UBXN11: variants seen among roughly 807,000 people sequenced by gnomAD.
The protein encoded by UBXN11 is UBX domain-containing protein 11.
UBXN11 carries 47 observed loss-of-function variants against 62.8 expected under a neutral mutation model. The ratio of observed to expected loss-of-function variants is 0.75; its 90% CI spans 0.59 to 0.95. The LOEUF (loss-of-function observed/expected upper bound fraction) is 0.95. Among genes scored for constraint, UBXN11 ranks in the 40% least tolerant of loss-of-function variants. UBXN11 has a pLI of 0.00. For synonymous variants in UBXN11, 294 were observed against 267.0 expected (o/e 1.10, Z -0.99); for missense variants, 638 against 661.7 (o/e 0.96, Z 0.39).
At chr1:26,293,862 CCTT>C (rs1048495552) in intron 8 of UBXN11, among the ~76,000 whole-genome samples, 1 of 150,870 alleles carries the variant, frequency 6.6e-6, no homozygotes, top group Non-Finnish European at 1.5e-5. Flanking sequence ...AGAAGGATTG[CCTT>C]TTTTTAAAAC....
At chr1:26,294,793 G>A (rs1470579302) in intron 7 of UBXN11, among the ~76,000 whole-genome samples, 1 of 152,120 alleles carries the variant, frequency 6.6e-6, no homozygotes, top group Non-Finnish European at 1.5e-5. Flanking sequence ...TCCACACCCC[G>A]ACTTCTTTTC....
At chr1:26,317,641 G>A (rs1440642358) in intron 1 of UBXN11, among the ~76,000 whole-genome samples, 3 of 152,146 alleles carry the variant, frequency 2.0e-5, no homozygotes, top group Non-Finnish European at 4.4e-5. Flanking sequence ...GGGTCAGAGA[G>A]GTAGAGTTTC....
chr1:26,282,362 GCCGGGACCGGGACCGGGA>G lies in UBXN11; in HGVS notation c.1482_1499del (p.Gly496_Pro501del), dbSNP rs755065764. On this transcript the variant is annotated inframe_deletion, in exon 15 of 15. Coordinates refer to ENST00000374222, the MANE Select transcript of UBXN11 (RefSeq NM_001389556.1). ...GGCCGGGACCGGGACCGGGACTGGGGCCGGGACCGGGACCGGGACTGGGGCCGGGACCGGGACCGGGAC... is the reference window on the plus strand; with the variant it reads ...GGCCGGGACCGGGACCGGGACTGGGGCTGGGGCCGGGACCGGGACCGGGAC... 4 of 549,136 alleles carry G rather than the reference GCCGGGACCGGGACCGGGA, an allele frequency of 7.3e-6. No homozygotes were observed. The highest frequency in any genetic ancestry group is 4.9e-5 in the Admixed American group (1 of 20,618). 34.0% of individuals were successfully genotyped at this position (549,136 alleles called of 1,614,324 possible). A position where few individuals can be genotyped will look rare whatever the true frequency, so the allele number is the denominator to read the frequency against.
intron 8 of UBXN11, among the ~76,000 whole-genome samples, chr1:26,290,118 G>A (rs956451108): frequency 5.1e-4 from 77 of 152,346 alleles, no homozygotes; most frequent in Non-Finnish European, 6.9e-4. Flanking sequence ...ATCATGTGCA[G>A]ATGACTGTTC....
intron 1 of UBXN11, among the ~76,000 whole-genome samples, chr1:26,303,683 G>A (rs1172649977): frequency 1.4e-5 from 2 of 148,122 alleles, no homozygotes; most frequent in African/African-American, 5.0e-5. Flanking sequence ...AGGTTAAGAT[G>A]CCAGGTTTTG....
chr1:26,284,956 C>T (rs866926208), intron 10 of UBXN11: 8 of 1,000,696 alleles, frequency 8.0e-6, no homozygotes, highest in African/African-American at 1.7e-5. Flanking sequence ...TGCTCCCTCC[C>T]GGACACGCCC....
chr1:26,292,584 G>A (rs767650173), intron 8 of UBXN11, among the ~76,000 whole-genome samples: 6 of 149,990 alleles, frequency 4.0e-5, no homozygotes, highest in Admixed American at 1.3e-4. Context: ...GGCTGGGCGC[G>A]GTGGCTCACA....
intron 7 of UBXN11, among the ~76,000 whole-genome samples, chr1:26,296,209 C>T (rs4471263): frequency 0.69 from 105,231 of 152,158 alleles, 36,906 homozygotes; most frequent in Non-Finnish European, 0.75. Flanking sequence ...GGTCTGTGAG[C>T]GGGGGAAAGA....
intron 7 of UBXN11, among the ~76,000 whole-genome samples, chr1:26,294,949 T>C (rs537697657): frequency 6.6e-6 from 1 of 152,338 alleles, no homozygotes; most frequent in South Asian, 2.1e-4. Flanking sequence ...TCTCCTGGGC[T>C]GTTCCTTTCC....
chr1:26,286,145 T>G, intron 8 of UBXN11, 108 bp from the exon 9 acceptor site: 1 of 979,764 alleles, frequency 1.0e-6, no homozygotes, highest in Non-Finnish European at 1.5e-6. Flanking sequence ...TAATGTCTCC[T>G]TAACTGACTG....
intron 8 of UBXN11, among the ~76,000 whole-genome samples, chr1:26,288,383 A>G (rs1439717639): frequency 3.9e-5 from 6 of 152,198 alleles, no homozygotes; most frequent in Non-Finnish European, 4.4e-5. Flanking sequence ...AAGAAGTAAA[A>G]GCAGGTGGCC....
Position 26,302,832 on chromosome 1 carries a change from AGG to A in UBXN11, c.50_51del (p.Pro17LeufsTer17), listed in dbSNP as rs2073572321. 1 of 1,613,772 alleles carries A rather than the reference AGG, an allele frequency of 6.2e-7. No homozygotes were observed. Among genetic ancestry groups the A allele is most frequent in the Non-Finnish European group, 8.5e-7 (1 of 1,179,858 alleles). ...SLSKTRKVPLPSEPMNPGRRG... is the reference protein window; with the variant it reads ...SLSKTRKVPLXSEPMNPGRRG... ...CCTTACCCAGGATTCATAGGCTCCG[AGG>A]GCAGGGGCACTTTTCGGGTCTTGCT... On this transcript the variant is annotated frameshift_variant, in exon 2 of 15. Coordinates refer to ENST00000374222, the MANE Select transcript of UBXN11 (RefSeq NM_001389556.1). LOFTEE classifies it high-confidence loss of function.
At chr1:26,294,071 G>A in intron 8 of UBXN11, 134 bp downstream of exon 8, 1 of 1,384,342 alleles carries the variant, frequency 7.2e-7, no homozygotes, top group Non-Finnish European at 9.7e-7. Context: ...TCAGGGGCAA[G>A]TTGTGGGCTC....
At chr1:26,305,776 C>T (rs990235948) in intron 1 of UBXN11, among the ~76,000 whole-genome samples, 2 of 152,200 alleles carry the variant, frequency 1.3e-5, no homozygotes, top group Admixed American at 6.5e-5. Flanking sequence ...CACCCAACCA[C>T]ATTTTTTCTC....
At position 26,295,825 on chromosome 1, in the gene UBXN11, G is replaced by A. The variant is rs370854734; in HGVS notation, c.432+1094C>T. ...CAGGCGGGGGACTATGTCTGTCTTG[G>A]TCATGCTCTGCCCCAGGCCTGCCCC... On this transcript the variant is annotated intron_variant, in intron 7 of 14. Coordinates refer to ENST00000374222, the MANE Select transcript of UBXN11 (RefSeq NM_001389556.1). Among the ~76,000 whole-genome samples the A allele has an allele frequency of 1.1e-4, 17 of 152,354 alleles. No individual in the cohort carries two copies. The South Asian group carries it at 1.2e-3, about 11-fold the overall frequency.
Position 26,315,935 on chromosome 1 carries a change from C to CA in UBXN11, c.-149+2111dup, listed in dbSNP as rs1308526683. On this transcript the variant is annotated intron_variant, in intron 1 of 14. Transcript: ENST00000374217. ...TCGGCCTCCCAAAATGCTGGGATTA[C>CA]AGGCGTGAGCCACTGTTTCCTGGCC... Among the ~76,000 whole-genome samples the CA allele has an allele frequency of 2.0e-5, 3 of 150,028 alleles. No homozygotes were observed. The Admixed American group carries it at 2.0e-4, about 10-fold the overall frequency.
chr1:26,297,372 G>A (rs1553164164), intron 6 of UBXN11, 55 bp downstream of exon 6: 1 of 1,479,578 alleles, frequency 6.8e-7, no homozygotes, highest in Non-Finnish European at 9.0e-7. Flanking sequence ...GGAGCCCTGG[G>A]CCCAGGGGAG....
Position 26,301,710 on chromosome 1 carries a change from G to A in UBXN11, c.84C>T (p.Ile28=), listed in dbSNP as rs200235953. ...CACACTTACCATCTCCATAGATGCG[G>A]ATTCCTCGCCTCCTGGGAACCCAGG... The part of the protein sequence containing the change: ...SEPMNPGRRG[I]RIYGDEDEVD... The change falls in exon 3 of 15, where the codon ATC becomes ATT. Residue 28 remains isoleucine, a synonymous_variant. Coordinates refer to ENST00000374222, the MANE Select transcript of UBXN11 (RefSeq NM_001389556.1). 1.7e-4 allele frequency: 281 copies of A among 1,613,924 alleles called. No individual in the cohort carries two copies. Among genetic ancestry groups the A allele is most frequent in the Non-Finnish European group, 1.9e-4 (219 of 1,179,954 alleles).
chr1:26,309,000 G>A (rs987777913), upstream of UBXN11, among the ~76,000 whole-genome samples: 1 of 125,942 alleles, frequency 7.9e-6, no homozygotes, highest in African/African-American at 3.0e-5. Flanking sequence ...TGGCACGATC[G>A]TGGCTCGCCA....
Sources: allele counts gnomAD v4.1 joint callset (sites outside exome capture counted in the v4.1 genomes callset), GRCh38; gene constraint gnomAD v4.1.1; transcripts MANE v1.5; gene names NCBI Gene and HGNC (gene_info 2026-07-23, HGNC 2026-07-21).